The following MTA3 variants were observed in gnomAD, a reference collection of about 807,000 sequenced individuals.
MTA3 encodes the protein metastasis-associated protein MTA3.
In MTA3, 34 loss-of-function variants were observed where a neutral mutation model predicts 83.5. That is an observed-to-expected ratio of 0.41 (90% CI 0.31 to 0.54). The LOEUF (loss-of-function observed/expected upper bound fraction) is 0.54. Among genes scored for constraint, MTA3 ranks in the 20% least tolerant of loss-of-function variants. MTA3 has a pLI of 0.33. For missense variants in MTA3, 761 were observed against 726.4 expected, an observed-to-expected ratio of 1.05 and a Z score of -0.55; for synonymous variants, 303 against 252.7, an observed-to-expected ratio of 1.20 and a Z score of -1.89.
intron 16 of MTA3, among the ~76,000 whole-genome samples, chr2:42,731,023 C>T (rs971310205): frequency 3.3e-5 from 5 of 152,080 alleles, no homozygotes; most frequent in Non-Finnish European, 7.4e-5. Context: ...TCTAATGATC[C>T]TCTGAATTTC....
Position 42,579,185 on chromosome 2 carries a change from G to T in MTA3, c.175G>T (p.Ala59Ser). ...TATTTCCAACACACTTATAATGCTC[G>T]CAGATAAGCATGCTAGTAAGTTGTT... ...RDISNTLIML[A>S]DKHAKEIEEE... The change falls in exon 3 of 17, where the codon GCA (alanine) becomes TCA (serine). Residue 59 changes from alanine to serine, a missense_variant. Ala to Ser is a moderately conservative substitution (Grantham distance 99). Coordinates refer to ENST00000405094, the MANE Select transcript of MTA3 (RefSeq NM_001330442.2). 3 of 1,594,314 alleles carry T rather than the reference G, an allele frequency of 1.9e-6. No homozygotes were observed. Among genetic ancestry groups the T allele is most frequent in the Non-Finnish European group, 2.6e-6 (3 of 1,171,402 alleles).
At chr2:42,733,522 G>A (rs780183517) in intron 16 of MTA3, among the ~76,000 whole-genome samples, 6 of 152,130 alleles carry the variant, frequency 3.9e-5, no homozygotes, top group Non-Finnish European at 7.4e-5. Context: ...CTCTTAGTTT[G>A]CTTTTGCTAT....
chr2:42,508,286 T>A (rs1290173929), intron 2 of MTA3, among the ~76,000 whole-genome samples: 2 of 152,140 alleles, frequency 1.3e-5, no homozygotes, highest in South Asian at 4.1e-4. Flanking sequence ...TCCAAACCCA[T>A]AGAATCTCCA....
chr2:42,749,006 A>G (rs1225615357), intron 16 of MTA3, among the ~76,000 whole-genome samples: 1 of 152,208 alleles, frequency 6.6e-6, no homozygotes, highest in African/African-American at 2.4e-5. Context: ...TTGAACTCCA[A>G]ATTCTGTCTT....
intron 2 of MTA3, among the ~76,000 whole-genome samples, chr2:42,496,716 C>T (rs571663732): frequency 6.5e-4 from 99 of 152,012 alleles, no homozygotes; most frequent in Admixed American, 1.2e-3. Flanking sequence ...CCAGCAGCAG[C>T]ATCCTGGCAG....
At chr2:42,538,350 A>G (rs1676349924) in intron 2 of MTA3, among the ~76,000 whole-genome samples, 2 of 152,166 alleles carry the variant, frequency 1.3e-5, no homozygotes, top group African/African-American at 4.8e-5. Context: ...GGTGTTCATT[A>G]TCTTGTTCTT....
At chr2:42,515,288 A>G (rs1036814216) in intron 2 of MTA3, among the ~76,000 whole-genome samples, 6 of 151,768 alleles carry the variant, frequency 4.0e-5, no homozygotes, top group African/African-American at 1.5e-4. Flanking sequence ...CAAACTCCTG[A>G]CATCAGGTGA....
chr2:42,755,606 C>G lies in MTA3; in HGVS notation c.*2207C>G. ...GCTCTCCCTTTGTCTCTGGAAACTG[C>G]CCCCTCGTTCTGACAGAATCCCCCA... On this transcript the variant is annotated 3_prime_UTR_variant, in exon 17 of 17. Transcript: ENST00000405094. The G allele has an allele frequency of 1.0e-6, 1 of 985,602 alleles. No homozygotes were observed. The highest frequency in any genetic ancestry group is 1.7e-5 in the African/African-American group (1 of 57,352). 61.1% of individuals were successfully genotyped at this position (985,602 alleles called of 1,614,324 possible). A position where few individuals can be genotyped will look rare whatever the true frequency, so the allele number is the denominator to read the frequency against.
intron 8 of MTA3, among the ~76,000 whole-genome samples, chr2:42,667,222 T>A (rs1690307512): frequency 1.3e-5 from 2 of 152,150 alleles, no homozygotes; most frequent in African/African-American, 2.4e-5. Flanking sequence ...GTGATGCACT[T>A]AAATTTTGTG....
chr2:42,602,229 G>A (rs1052883286), intron 3 of MTA3, among the ~76,000 whole-genome samples: 2 of 152,090 alleles, frequency 1.3e-5, no homozygotes, highest in Non-Finnish European at 2.9e-5. Flanking sequence ...CACCTGCCTC[G>A]GCCTCCTGAA....
At position 42,662,743 on chromosome 2, in the gene MTA3, T is replaced by C. The variant is rs1689843933; in HGVS notation, c.702+2881T>C. Among the ~76,000 whole-genome samples the C allele has an allele frequency of 2.0e-5, 3 of 150,798 alleles. No homozygotes were observed. The South Asian group carries it at 6.3e-4, about 31-fold the overall frequency. On this transcript the variant is annotated intron_variant, in intron 8 of 16. Coordinates refer to ENST00000405094, the MANE Select transcript of MTA3 (RefSeq NM_001330442.2). ...ATATTATATAAATACTTTTTTTTTTTTTTTTTGAGACAGAGTCTCGCCCTG... is the reference window on the plus strand; with the variant it reads ...ATATTATATAAATACTTTTTTTTTTCTTTTTTGAGACAGAGTCTCGCCCTG...
At chr2:42,518,322 A>G (rs116776607) in intron 2 of MTA3, among the ~76,000 whole-genome samples, 2,226 of 152,324 alleles carry the variant, frequency 0.015, 46 homozygotes, top group African/African-American at 0.051. Context: ...TAGGAAATAT[A>G]CAAGATGAAC....
intron 13 of MTA3, among the ~76,000 whole-genome samples, chr2:42,708,402 G>A (rs748461318): frequency 2.6e-5 from 4 of 152,154 alleles, no homozygotes; most frequent in Non-Finnish European, 4.4e-5. Context: ...TGCAAATTAA[G>A]CATTTTTTCT....
At chr2:42,626,382 C>G (rs758836168) in intron 4 of MTA3, among the ~76,000 whole-genome samples, 1 of 151,814 alleles carries the variant, frequency 6.6e-6, no homozygotes, top group Non-Finnish European at 1.5e-5. Flanking sequence ...ACTGCAACCT[C>G]TGCTTCTTGG....
At chr2:42,671,044 A>G (rs978329993) in intron 8 of MTA3, among the ~76,000 whole-genome samples, 1 of 151,828 alleles carries the variant, frequency 6.6e-6, no homozygotes, top group Admixed American at 6.6e-5. Flanking sequence ...TAGTTGTTGT[A>G]TCTTCATAGT....
At chr2:42,706,531 G>A (rs1185089006) in intron 12 of MTA3, among the ~76,000 whole-genome samples, 1 of 152,180 alleles carries the variant, frequency 6.6e-6, no homozygotes, top group African/African-American at 2.4e-5. Flanking sequence ...TTTGTGAAGT[G>A]TTAGTTGATA....
At chr2:42,707,763 A>C in intron 12 of MTA3, 140 bp from the exon 13 acceptor site, 1 of 892,276 alleles carries the variant, frequency 1.1e-6, no homozygotes, top group Non-Finnish European at 1.6e-6. Flanking sequence ...CAAATATACT[A>C]TTATGTTTGG....
At chr2:42,656,771 CCTTTT>C (rs1261070976) in intron 7 of MTA3, among the ~76,000 whole-genome samples, 1 of 152,134 alleles carries the variant, frequency 6.6e-6, no homozygotes, top group Non-Finnish European at 1.5e-5. Context: ...TCCTTCCTCC[CCTTTT>C]CTTAAGAGAA....
intron 2 of MTA3, among the ~76,000 whole-genome samples, chr2:42,523,650 T>A (rs1675533085): frequency 6.6e-6 from 1 of 152,134 alleles, no homozygotes; most frequent in African/African-American, 2.4e-5. Flanking sequence ...CAGTGGCGCA[T>A]GCTTGTAACC....
Sources: gnomAD v4.1 joint callset for allele counts (sites outside exome capture counted in the v4.1 genomes callset) on GRCh38, gnomAD v4.1.1 for gene constraint, MANE v1.5 for transcripts, NCBI Gene and HGNC (gene_info 2026-07-23, HGNC 2026-07-21) for gene names.